The following PHC3 variants were observed in gnomAD, a reference collection of about 807,000 sequenced individuals.
PHC3 encodes the protein polyhomeotic-like protein 3.
In PHC3, 13 loss-of-function variants were observed where a neutral mutation model predicts 107.4. That is an observed-to-expected ratio of 0.12 (90% CI 0.08 to 0.19). The LOEUF is 0.19. Ranked by LOEUF, PHC3 falls within the 10% of genes least tolerant of loss-of-function variation. The pLI, the probability that PHC3 is intolerant of heterozygous loss-of-function variation, is 1.00. For synonymous variants in PHC3, 456 were observed against 427.4 expected (o/e 1.07, Z -0.83); for missense variants, 992 against 1,210.9 (o/e 0.82, Z 2.68).
chr3:170,118,425 T>G (rs996998400), intron 9 of PHC3, among the ~76,000 whole-genome samples: 1 of 152,058 alleles, frequency 6.6e-6, no homozygotes, highest in Non-Finnish European at 1.5e-5. Context: ...AATTTTTATT[T>G]TTTTGAGACG....
At chr3:170,123,152 G>A (rs375725353) in intron 8 of PHC3, among the ~76,000 whole-genome samples, 7 of 152,098 alleles carry the variant, frequency 4.6e-5, no homozygotes, top group African/African-American at 1.7e-4. Flanking sequence ...TTCCTACAAT[G>A]ACACACTATA....
At chr3:170,104,099 A>AAATAGAAAAT (rs1331285928) in intron 12 of PHC3, among the ~76,000 whole-genome samples, 5 of 152,154 alleles carry the variant, frequency 3.3e-5, no homozygotes, top group Non-Finnish European at 7.3e-5. Flanking sequence ...AATAAAAAAT[A>AAATAGAAAAT]AATAGAAAAT....
intron 8 of PHC3, among the ~76,000 whole-genome samples, chr3:170,123,508 G>A (rs1300760298): frequency 1.3e-5 from 2 of 152,080 alleles, no homozygotes; most frequent in Admixed American, 1.3e-4. Flanking sequence ...AGGAAAATGG[G>A]GCCAGGTGCA....
chr3:170,113,262 T>C, intron 11 of PHC3, 98 bp downstream of exon 11: 1 of 1,170,616 alleles, frequency 8.5e-7, no homozygotes, highest in South Asian at 2.2e-5. Context: ...AGTTGAATAC[T>C]TCCAGTGAAA....
At chr3:170,127,618 T>C (rs1018071442) in intron 8 of PHC3, among the ~76,000 whole-genome samples, 1 of 152,184 alleles carries the variant, frequency 6.6e-6, no homozygotes, top group Admixed American at 6.5e-5. Flanking sequence ...ATAATCCAAG[T>C]ATGAAAAGAA....
At chr3:170,128,464 T>C in intron 8 of PHC3, 1 of 1,198,588 alleles carries the variant, frequency 8.3e-7, no homozygotes, top group Non-Finnish European at 1.1e-6. Context: ...CGAGGGACTT[T>C]AATTACCATC....
At chr3:170,130,230 A>G (rs1246415501) in intron 7 of PHC3, among the ~76,000 whole-genome samples, 8 of 152,228 alleles carry the variant, frequency 5.3e-5, no homozygotes, top group Non-Finnish European at 1.2e-4. Flanking sequence ...TAGAACAAGT[A>G]TAACATATAT....
chr3:170,105,884 T>G (rs1460500243), intron 12 of PHC3, among the ~76,000 whole-genome samples: 7 of 152,180 alleles, frequency 4.6e-5, no homozygotes, highest in Non-Finnish European at 5.9e-5. Context: ...AATTATACGA[T>G]TAATGAAGAG....
chr3:170,119,036 T>TAA (rs1002478959), intron 9 of PHC3, among the ~76,000 whole-genome samples: 139 of 72,642 alleles, frequency 1.9e-3, no homozygotes, highest in South Asian at 2.3e-3. Flanking sequence ...TATAAAAAGC[T>TAA]AAAAAAAAAA....
chr3:170,147,135 G>A (rs887259592), intron 5 of PHC3: 2 of 152,140 alleles, frequency 1.3e-5, no homozygotes, highest in Non-Finnish European at 1.5e-5. Flanking sequence ...CTCCCAAAGT[G>A]CTGGGATTAC....
rs1411845951 is a variant in PHC3, at chr3:170,091,996, TA to T, written c.*5233del. On this transcript the variant is annotated 3_prime_UTR_variant, in exon 15 of 15. Coordinates refer to ENST00000495893, the MANE Select transcript of PHC3 (RefSeq NM_024947.4). Reference sequence around the variant, plus strand: ...ATAAAAGAGGACGTATCTTCCCAAATAATTTTTTGTTTTGTTTTTTTGAGAT... The same window carrying T: ...ATAAAAGAGGACGTATCTTCCCAAATATTTTTTGTTTTGTTTTTTTGAGAT... 1.3e-5 allele frequency: 2 copies of T among 152,128 alleles called. No individual in the cohort carries two copies. Among genetic ancestry groups the T allele is most frequent in the Admixed American group, 1.3e-4 (2 of 15,268 alleles). 9.4% of individuals were successfully genotyped at this position (152,128 alleles called of 1,614,324 possible).
Position 170,128,711 on chromosome 3 carries a change from T to C in PHC3, c.1761A>G (p.Gln587=), listed in dbSNP as rs778951436. The change falls in exon 8 of 15, where the codon CAA becomes CAG. Residue 587 remains glutamine (Q), a synonymous_variant. Transcript: ENST00000495893. ...CTGGTGGATCAACAGGTGCTGGTGGTTGCACTTGTAGGTTTACCGCAACAG... is the reference window on the plus strand; with the variant it reads ...CTGGTGGATCAACAGGTGCTGGTGGCTGCACTTGTAGGTTTACCGCAACAG... ...PQTVAVNLQV[Q]PPAPVDPPVV... is the part of the protein sequence containing the mutation. The C allele has an allele frequency of 1.2e-6, 2 of 1,613,952 alleles. No homozygotes were observed. The highest frequency in any genetic ancestry group is 4.5e-5 in the East Asian group (2 of 44,880).
rs189804287 is a variant in PHC3, at chr3:170,092,353, T to C, written c.*4877A>G. On this transcript the variant is annotated 3_prime_UTR_variant, in exon 15 of 15. Transcript: ENST00000495893. Reference sequence around the variant, plus strand: ...TTAACAAGTTGAAATTTTAGTAAGATTGCATATTTACTTTTCCTAATACTG... The same window carrying C: ...TTAACAAGTTGAAATTTTAGTAAGACTGCATATTTACTTTTCCTAATACTG... 10 of 152,340 alleles carry C rather than the reference T, an allele frequency of 6.6e-5. No homozygotes were observed. Among genetic ancestry groups the C allele is most frequent in the South Asian group, 2.1e-4 (1 of 4,830 alleles). 9.4% of individuals were successfully genotyped at this position (152,340 alleles called of 1,614,324 possible).
At chr3:170,134,892 C>A in intron 7 of PHC3, among the ~76,000 whole-genome samples, 1 of 151,980 alleles carries the variant, frequency 6.6e-6, no homozygotes. Flanking sequence ...CCAGAAGGGA[C>A]CATAAAAGTT....
Position 170,097,188 on chromosome 3 carries a change from A to G in PHC3, c.*42T>C. ...GGCCTTTACCTTACAAGTTTTTGTG[A>G]GAAAAGTAAAACTGCTGTTTTATCA... On this transcript the variant is annotated 3_prime_UTR_variant, in exon 15 of 15. Transcript: ENST00000495893. This position sits in a 1 kb window ranked among gnomAD's most constrained non-coding sequence, Gnocchi z 4.1. 4 of 1,551,792 alleles carry G rather than the reference A, an allele frequency of 2.6e-6. No individual in the cohort carries two copies. Among genetic ancestry groups the G allele is most frequent in the Non-Finnish European group, 3.5e-6 (4 of 1,140,634 alleles).
chr3:170,162,102 A>C (rs1246884198), intron 4 of PHC3, among the ~76,000 whole-genome samples: 1 of 152,244 alleles, frequency 6.6e-6, no homozygotes, highest in African/African-American at 2.4e-5. Context: ...ATGACTTGCC[A>C]TAAGTCACAT....
At position 170,093,443 on chromosome 3, in the gene PHC3, A is replaced by T. The variant is rs762701676; in HGVS notation, c.*3787T>A. On this transcript the variant is annotated 3_prime_UTR_variant, in exon 15 of 15. Transcript: ENST00000495893. ...TAACCAGGCTGTTCTGGCTGAAAATACATCTTTAAAACATTTTAACAGTGT... is the reference window on the plus strand; with the variant it reads ...TAACCAGGCTGTTCTGGCTGAAAATTCATCTTTAAAACATTTTAACAGTGT... The T allele has an allele frequency of 2.6e-5, 4 of 152,244 alleles. No individual in the cohort carries two copies. The highest frequency in any genetic ancestry group is 4.4e-5 in the Non-Finnish European group (3 of 68,048). 9.4% of individuals were successfully genotyped at this position (152,244 alleles called of 1,614,324 possible).
chr3:170,155,685 C>T (rs980286656), intron 4 of PHC3, among the ~76,000 whole-genome samples: 3 of 152,042 alleles, frequency 2.0e-5, no homozygotes, highest in African/African-American at 7.2e-5. Context: ...TGCAGCACTG[C>T]ACTCCAACCT....
At position 170,091,618 on chromosome 3, in the gene PHC3, T is replaced by C. The variant is rs1445191688; in HGVS notation, c.*5612A>G. On this transcript the variant is annotated 3_prime_UTR_variant, in exon 15 of 15. Transcript: ENST00000495893. Reference sequence around the variant, plus strand: ...ATGACACTTGGAAGGGGTGTGTGCATGTGTCTGAGTAGAAAAGCTGATCTT... The same window carrying C: ...ATGACACTTGGAAGGGGTGTGTGCACGTGTCTGAGTAGAAAAGCTGATCTT... 1 of 152,182 alleles carries C rather than the reference T, an allele frequency of 6.6e-6. No individual in the cohort carries two copies. Among genetic ancestry groups the C allele is most frequent in the Non-Finnish European group, 1.5e-5 (1 of 68,034 alleles). The allele number at this position is 152,182 out of a possible 1,614,324, so 9.4% of individuals were successfully genotyped here.
Sources: gnomAD v4.1 joint callset for allele counts (sites outside exome capture counted in the v4.1 genomes callset) on GRCh38, gnomAD v4.1.1 for gene constraint, Gnocchi (gnomAD v3.1) non-coding constraint, MANE v1.5 for transcripts, NCBI Gene and HGNC (gene_info 2026-07-23, HGNC 2026-07-21) for gene names.